Variants in TMEM177 observed in about 807,000 individuals in gnomAD.
TMEM177 encodes transmembrane protein 177.
A neutral mutation model predicts 14.2 loss-of-function variants in TMEM177; 4 were observed. The observed-to-expected ratio is 0.28, with a 90% CI of 0.14 to 0.64. TMEM177 has a LOEUF of 0.64. TMEM177 is among the 30% of genes least tolerant of loss of function. The probability of loss-of-function intolerance (pLI) is 0.82; values close to 1 mark genes in which losing one functional copy is unlikely to be tolerated. For missense variants in TMEM177, 344 were observed against 405.2 expected, an observed-to-expected ratio of 0.85 and a Z score of 1.30; for synonymous variants, 179 against 174.5, an observed-to-expected ratio of 1.03 and a Z score of -0.20.
chr2:119,722,932 G>A, the TMEM177 span, among the ~76,000 whole-genome samples: 1 of 152,282 alleles, frequency 6.6e-6, no homozygotes, highest in South Asian at 2.1e-4. Flanking sequence ...TTTGACACTA[G>A]GAACATTTTA....
the TMEM177 span, among the ~76,000 whole-genome samples, chr2:119,708,502 C>T: frequency 6.6e-6 from 1 of 152,102 alleles, no homozygotes; most frequent in Non-Finnish European, 1.5e-5. Context: ...TCAAATTCCC[C>T]CGATTGTTCC....
chr2:119,693,869 A>AAACAC, the TMEM177 span, among the ~76,000 whole-genome samples: 1 of 7,034 alleles, frequency 1.4e-4, no homozygotes, highest in Non-Finnish European at 3.5e-4. Context: ...CACATGCCAC[A>AAACAC]AACACAACAC....
At chr2:119,683,811 G>A (rs775274891), downstream of TMEM177, among the ~76,000 whole-genome samples, 4 of 152,106 alleles carry the variant, frequency 2.6e-5, no homozygotes, top group Non-Finnish European at 5.9e-5. Context: ...TGCACTGTTC[G>A]CATCCTCCAG....
chr2:119,680,058 A>G (rs1460197739), intron 1 of TMEM177, among the ~76,000 whole-genome samples: 1 of 152,132 alleles, frequency 6.6e-6, no homozygotes, highest in Admixed American at 6.5e-5. Context: ...GGATCCTCAC[A>G]TGATCTTCCT....
chr2:119,701,189 T>G, the TMEM177 span, among the ~76,000 whole-genome samples: 1 of 152,148 alleles, frequency 6.6e-6, no homozygotes, highest in Non-Finnish European at 1.5e-5. Context: ...GGAAGAGGTA[T>G]GAGAGCAGAA....
the TMEM177 span, among the ~76,000 whole-genome samples, chr2:119,693,426 TC>T: frequency 2.8e-4 from 43 of 152,114 alleles, no homozygotes; most frequent in Non-Finnish European, 4.9e-4. Context: ...TAAAACTTCC[TC>T]CGAGAGGAAG....
chr2:119,688,910 G>A (rs993143105), downstream of TMEM177, among the ~76,000 whole-genome samples: 1 of 152,208 alleles, frequency 6.6e-6, no homozygotes, highest in Non-Finnish European at 1.5e-5. Context: ...GCCTCCACAG[G>A]CTGCTTTCCA....
At chr2:119,687,066 T>C (rs555938320), downstream of TMEM177, among the ~76,000 whole-genome samples, 4 of 147,966 alleles carry the variant, frequency 2.7e-5, no homozygotes, top group African/African-American at 9.7e-5. Context: ...AGAATACAGA[T>C]ATACATTGAG....
the TMEM177 span, among the ~76,000 whole-genome samples, chr2:119,692,953 C>G: frequency 9.7e-6 from 1 of 103,608 alleles, no homozygotes; most frequent in African/African-American, 3.9e-5. Flanking sequence ...GCCTGAGTGA[C>G]AAAGCGAGAT....
downstream of TMEM177, among the ~76,000 whole-genome samples, chr2:119,689,116 A>G (rs537077581): frequency 6.6e-6 from 1 of 152,244 alleles, no homozygotes; most frequent in African/African-American, 2.4e-5. Flanking sequence ...CCTGCCTTCT[A>G]TCCCCTCCTT....
chr2:119,705,619 CGTGTGT>C, the TMEM177 span, among the ~76,000 whole-genome samples: 153 of 139,264 alleles, frequency 1.1e-3, no homozygotes, highest in Middle Eastern at 7.2e-3. Context: ...CACTCAGATC[CGTGTGT>C]GTGTGTGTGT....
chr2:119,710,294 G>GT, the TMEM177 span, among the ~76,000 whole-genome samples: 1 of 152,224 alleles, frequency 6.6e-6, no homozygotes, highest in African/African-American at 2.4e-5. Context: ...TATAGGAGCA[G>GT]TGTATTGGGC....
chr2:119,681,792 G>C lies in TMEM177; in HGVS notation c.*3G>C. ...TGCTCAATCCGGGCCGCTCCTGATGGGCTCATCACAAGGACACTTCCAGCT... is the reference window on the plus strand; with the variant it reads ...TGCTCAATCCGGGCCGCTCCTGATGCGCTCATCACAAGGACACTTCCAGCT... On this transcript the variant is annotated 3_prime_UTR_variant, in exon 2 of 2. Transcript: ENST00000272521. 2 of 1,609,352 alleles carry C rather than the reference G, an allele frequency of 1.2e-6. No individual in the cohort carries two copies. The highest frequency in any genetic ancestry group is 1.7e-6 in the Non-Finnish European group (2 of 1,177,046).
At chr2:119,693,823 CACAA>C in the TMEM177 span, among the ~76,000 whole-genome samples, 1 of 39,822 alleles carries the variant, frequency 2.5e-5, no homozygotes, top group Non-Finnish European at 5.3e-5. Context: ...ACATATCACA[CACAA>C]ACATACCACA....
intron 1 of TMEM177, among the ~76,000 whole-genome samples, chr2:119,679,913 G>C (rs375588276): frequency 6.6e-6 from 1 of 152,204 alleles, no homozygotes; most frequent in Admixed American, 6.5e-5. Flanking sequence ...CGAAGTACCG[G>C]AGACTGGGTG....
At chr2:119,711,998 A>T in the TMEM177 span, among the ~76,000 whole-genome samples, 1 of 152,120 alleles carries the variant, frequency 6.6e-6, no homozygotes, top group African/African-American at 2.4e-5. Flanking sequence ...TTCCACGTGC[A>T]TGGTCCTGAG....
Position 119,681,266 on chromosome 2 carries a change from G to A in TMEM177, c.413G>A (p.Arg138Gln), listed in dbSNP as rs115243198. The A allele has an allele frequency of 6.6e-5, 106 of 1,614,254 alleles. No homozygotes were observed. In the East Asian group the frequency reaches 9.6e-4, roughly 15 times the overall value. The part of the protein sequence containing the change: ...TVDWRSPAGA[R>Q]LRASLTLSRE... The stretch of plus-strand genomic sequence containing the variant: ...GACTGGCGGAGCCCAGCAGGCGCCC[G>A]GCTGAGAGCTTCCCTGACCTTGTCC... Residue 138 changes from arginine to glutamine, a missense_variant, in exon 2 of 2, where the codon CGG becomes CAG. By Grantham distance (43) the Arg-to-Gln change is conservative. Coordinates refer to ENST00000272521, the MANE Select transcript of TMEM177 (RefSeq NM_030577.3).
the TMEM177 span, among the ~76,000 whole-genome samples, chr2:119,711,296 A>AG: frequency 6.6e-6 from 1 of 152,220 alleles, no homozygotes; most frequent in African/African-American, 2.4e-5. Flanking sequence ...AAAGATCTGG[A>AG]GAAAAAATAG....
chr2:119,685,733 G>A (rs1172715981), downstream of TMEM177: 1 of 717,936 alleles, frequency 1.4e-6, no homozygotes, highest in African/African-American at 1.7e-5. Flanking sequence ...ACAAGGATTT[G>A]AAGCTGGCAG....
Sources: gnomAD v4.1 joint callset for allele counts (sites outside exome capture counted in the v4.1 genomes callset) on GRCh38, gnomAD v4.1.1 for gene constraint, MANE v1.5 for transcripts, NCBI Gene and HGNC (gene_info 2026-07-23, HGNC 2026-07-21) for gene names.